ANKH: variants seen among roughly 807,000 people sequenced by gnomAD.
ANKH encodes the protein ANKH inorganic pyrophosphate transport regulator, also known as mineralization regulator ANKH.
In ANKH, 15 loss-of-function variants were observed where a neutral mutation model predicts 49.0. The ratio of observed to expected loss-of-function variants is 0.31; its 90% confidence interval spans 0.20 to 0.47. The LOEUF is 0.47. ANKH is among the 20% of genes least tolerant of loss of function. The pLI, the probability that ANKH is intolerant of heterozygous loss-of-function variation, is 1.00. For missense variants in ANKH, 429 were observed against 652.0 expected (o/e 0.66, Z 3.72); for synonymous variants, 273 against 260.0 (o/e 1.05, Z -0.48).
chr5:14,851,109 T>A (rs917105206), intron 1 of ANKH, among the ~76,000 whole-genome samples: 2 of 152,094 alleles, frequency 1.3e-5, no homozygotes, highest in African/African-American at 4.8e-5. Flanking sequence ...ACCCACACAA[T>A]GCTGCCAGGA....
Position 14,706,802 on chromosome 5 carries a change from G to C in ANKH, c.*4395C>G, listed in dbSNP as rs960885915. On this transcript the variant is annotated 3_prime_UTR_variant, in exon 12 of 12. Transcript: ENST00000284268. Reference sequence around the variant, plus strand: ...AATAGAGATTCAAAATAACCACACAGAGGAGTATCCCAGACACGTTGCTCA... The same window carrying C: ...AATAGAGATTCAAAATAACCACACACAGGAGTATCCCAGACACGTTGCTCA... The C allele has an allele frequency of 6.6e-6, 1 of 152,204 alleles. No homozygotes were observed. Among genetic ancestry groups the C allele is most frequent in the Non-Finnish European group, 1.5e-5 (1 of 68,058 alleles). 9.4% of individuals were successfully genotyped at this position (152,204 alleles called of 1,614,324 possible).
In ANKH at chr5:14,783,289, T is replaced by TACACACACACACACAC. The variant is rs57904537; in HGVS notation, c.97-14114_97-14099dup. On this transcript the variant is annotated intron_variant, in intron 1 of 11. Coordinates refer to ENST00000284268, the MANE Select transcript of ANKH (RefSeq NM_054027.6). The stretch of plus-strand genomic sequence containing the variant: ...GCACAGAAGAGGGTCGCCACCATTC[T>TACACACACACACACAC]ACACACACACACACACACACACACA... 1.5e-3 allele frequency among the ~76,000 whole-genome samples: 219 copies of TACACACACACACACAC among 144,626 alleles called. 1 individual carries two copies. The highest frequency in any genetic ancestry group is 2.2e-3 in the Admixed American group (32 of 14,514). 94.9% of individuals were successfully genotyped at this position (144,626 alleles called of 152,430 possible). A position where few individuals can be genotyped will look rare whatever the true frequency, so the allele number is the denominator to read the frequency against.
In ANKH at chr5:14,737,934, T is replaced by C. The variant is rs1242793522; in HGVS notation, c.1011+3893A>G. Among the ~76,000 whole-genome samples, 3 of 152,186 alleles carry C rather than the reference T, an allele frequency of 2.0e-5. No homozygotes were observed. The highest frequency in any genetic ancestry group is 4.4e-5 in the Non-Finnish European group (3 of 68,022). On this transcript the variant is annotated intron_variant, in intron 8 of 11. Transcript: ENST00000284268. This position sits in a 1 kb window ranked among gnomAD's most constrained non-coding sequence, Gnocchi z 5.0. The stretch of plus-strand genomic sequence containing the variant: ...CCATCAGATGGTTTAGAGAGATCAA[T>C]CAACCTCCGGCTAAGCATGCCTAAC...
chr5:14,735,161 T>TATC (rs1738135325), intron 8 of ANKH, among the ~76,000 whole-genome samples: 1 of 152,136 alleles, frequency 6.6e-6, no homozygotes, highest in African/African-American at 2.4e-5. Flanking sequence ...TTGGCAAAAA[T>TATC]ATCATTAAGC....
At chr5:14,739,846 T>G (rs897401724) in intron 8 of ANKH, among the ~76,000 whole-genome samples, 1 of 152,218 alleles carries the variant, frequency 6.6e-6, no homozygotes, top group Non-Finnish European at 1.5e-5. Flanking sequence ...GTTCTGAATC[T>G]CTATTTCTAG....
chr5:14,748,830 A>G (rs190829615), intron 6 of ANKH, among the ~76,000 whole-genome samples: 3 of 152,382 alleles, frequency 2.0e-5, no homozygotes, highest in South Asian at 2.1e-4. Context: ...TTCCGTGGAC[A>G]TGGAAAACTG....
At chr5:14,800,101 G>A (rs73050642) in intron 1 of ANKH, among the ~76,000 whole-genome samples, 2,479 of 152,256 alleles carry the variant, frequency 0.016, 60 homozygotes, top group African/African-American at 0.056. Flanking sequence ...ACCTTAGTGG[G>A]GAAGGTAACT....
At position 14,710,997 on chromosome 5, in the gene ANKH, A is replaced by G. The variant is rs1737162231; in HGVS notation, c.*200T>C. On this transcript the variant is annotated 3_prime_UTR_variant, in exon 12 of 12. Transcript: ENST00000284268. ...GTTTGTTTTTACATAGCAACAGTAA[A>G]GACCATTCACTAGGTCCCCCCGTCA... 1 of 609,358 alleles carries G rather than the reference A, an allele frequency of 1.6e-6. No individual in the cohort carries two copies. Among genetic ancestry groups the G allele is most frequent in the Non-Finnish European group, 3.0e-6 (1 of 336,632 alleles). The allele number at this position is 609,358 out of a possible 1,614,324, so 37.7% of individuals were successfully genotyped here.
chr5:14,806,879 C>T (rs1445107615), intron 1 of ANKH, among the ~76,000 whole-genome samples: 4 of 152,186 alleles, frequency 2.6e-5, no homozygotes, highest in African/African-American at 9.6e-5. Context: ...CTTCAGAAAG[C>T]CCACTTCATT....
At chr5:14,850,310 G>C (rs1227938472) in intron 1 of ANKH, among the ~76,000 whole-genome samples, 1 of 152,202 alleles carries the variant, frequency 6.6e-6, no homozygotes, top group Non-Finnish European at 1.5e-5. Flanking sequence ...TGAGCTAAAT[G>C]TGTGTACCAA....
intron 1 of ANKH, among the ~76,000 whole-genome samples, chr5:14,818,092 A>G (rs1741091837): frequency 6.6e-6 from 1 of 151,256 alleles, no homozygotes; most frequent in Non-Finnish European, 1.5e-5. Context: ...AGGAAAAAAA[A>G]AAACCCAATG....
chr5:14,757,846 A>G (rs558580984), intron 3 of ANKH, among the ~76,000 whole-genome samples: 1 of 152,350 alleles, frequency 6.6e-6, no homozygotes, highest in African/African-American at 2.4e-5. Flanking sequence ...ATGGTGGTAT[A>G]GCTGCTACGA....
chr5:14,815,977 G>T (rs1741024658), intron 1 of ANKH, among the ~76,000 whole-genome samples: 1 of 152,108 alleles, frequency 6.6e-6, no homozygotes, highest in Non-Finnish European at 1.5e-5. Flanking sequence ...TTTTCTGTTT[G>T]CTCATCCTTG....
rs547365020 is a variant in ANKH, at chr5:14,716,263, G to A, written c.1141+443C>T. Among the ~76,000 whole-genome samples the A allele has an allele frequency of 1.3e-4, 20 of 152,212 alleles. No homozygotes were observed. In the South Asian group the frequency reaches 2.7e-3, roughly 21 times the overall value. On this transcript the variant is annotated intron_variant, in intron 9 of 11. Transcript: ENST00000284268. ...ACGCCTGTAATCCCAGCACTTTGCC[G>A]AGGAGGAGCACTTGAGGCCAGGAGT...
At position 14,707,487 on chromosome 5, in the gene ANKH, G is replaced by C. The variant is rs1736985043; in HGVS notation, c.*3710C>G. On this transcript the variant is annotated 3_prime_UTR_variant, in exon 12 of 12. Transcript: ENST00000284268. ...AAATATAAGTGAATAAATTTTGAGA[G>C]TTACGATATGTAATGATTATTCCAA... 6.6e-6 allele frequency: 1 copy of C among 152,186 alleles called. No individual in the cohort carries two copies. Among genetic ancestry groups the C allele is most frequent in the Admixed American group, 6.5e-5 (1 of 15,282 alleles). The allele number at this position is 152,186 out of a possible 1,614,324, so 9.4% of individuals were successfully genotyped here.
At chr5:14,834,952 A>G (rs10474706) in intron 1 of ANKH, among the ~76,000 whole-genome samples, 14,687 of 152,244 alleles carry the variant, frequency 0.096, 1,137 homozygotes, top group East Asian at 0.42. Context: ...TCAGGGCTAC[A>G]TAACTGCTTG....
chr5:14,705,828 CT>C lies in ANKH; in HGVS notation c.*5368del, dbSNP rs913125811. On this transcript the variant is annotated 3_prime_UTR_variant, in exon 12 of 12. Coordinates refer to ENST00000284268, the MANE Select transcript of ANKH (RefSeq NM_054027.6). ...TTACGCAAGGGTGGTTTGAACTTAG[CT>C]TTCAGTAGCTGTTTCATTCAAACCG... 1.3e-5 allele frequency: 2 copies of C among 152,424 alleles called. No homozygotes were observed. Among genetic ancestry groups the C allele is most frequent in the Non-Finnish European group, 2.9e-5 (2 of 68,026 alleles). 9.4% of individuals were successfully genotyped at this position (152,424 alleles called of 1,614,324 possible). A position where few individuals can be genotyped will look rare whatever the true frequency, so the allele number is the denominator to read the frequency against.
chr5:14,866,496 G>A (rs1403018398), intron 1 of ANKH, among the ~76,000 whole-genome samples: 1 of 152,086 alleles, frequency 6.6e-6, no homozygotes, highest in Non-Finnish European at 1.5e-5. Flanking sequence ...TGGTGAATTT[G>A]GCTTTTAAGG....
At chr5:14,857,755 A>G (rs1463337187) in intron 1 of ANKH, among the ~76,000 whole-genome samples, 1 of 152,244 alleles carries the variant, frequency 6.6e-6, no homozygotes, top group African/African-American at 2.4e-5. Context: ...GTGTGGCTGG[A>G]GAGAACTAAA....
Sources: gnomAD v4.1 joint callset for allele counts (sites outside exome capture counted in the v4.1 genomes callset) on GRCh38, gnomAD v4.1.1 for gene constraint, Gnocchi (gnomAD v3.1) non-coding constraint, MANE v1.5 for transcripts, NCBI Gene and HGNC (gene_info 2026-07-23, HGNC 2026-07-21) for gene names.